RIMS2: variants seen among roughly 807,000 people sequenced by gnomAD.
The protein encoded by RIMS2 is regulating synaptic membrane exocytosis 2.
RIMS2 carries 59 observed loss-of-function variants against 174.4 expected under a neutral mutation model. The ratio of observed to expected loss-of-function variants is 0.34; its 90% CI spans 0.27 to 0.42. RIMS2 has a LOEUF of 0.42. Ranked by LOEUF, RIMS2 falls within the 10% of genes least tolerant of loss-of-function variation. The probability of loss-of-function intolerance (pLI) is 1.00; values close to 1 mark genes in which losing one functional copy is unlikely to be tolerated. For missense variants in RIMS2, 1,620 were observed against 1,666.3 expected (o/e 0.97, Z 0.48); for synonymous variants, 606 against 572.5 (o/e 1.06, Z -0.84).
intron 1 of RIMS2, among the ~76,000 whole-genome samples, chr8:103,607,367 A>G (rs2095155396): frequency 6.6e-6 from 1 of 151,786 alleles, no homozygotes; most frequent in Non-Finnish European, 1.5e-5. Flanking sequence ...CTGCTGAGAG[A>G]TCCGCTGTTA....
intron 16 of RIMS2, among the ~76,000 whole-genome samples, chr8:103,981,633 C>A (rs1455921433): frequency 2.0e-5 from 3 of 151,994 alleles, no homozygotes; most frequent in African/African-American, 7.3e-5. Flanking sequence ...CAATGAAATT[C>A]TATATAACAC....
intron 1 of RIMS2, among the ~76,000 whole-genome samples, chr8:103,663,437 G>A (rs964294970): frequency 6.6e-6 from 1 of 152,110 alleles, no homozygotes; most frequent in African/African-American, 2.4e-5. Flanking sequence ...ATTTAGCAAA[G>A]TCTCAGGATA....
chr8:104,240,416 T>A (rs932420792), intron 19 of RIMS2, among the ~76,000 whole-genome samples: 1 of 152,200 alleles, frequency 6.6e-6, no homozygotes. Context: ...GTTAAATTAG[T>A]TTTATTGTAA....
At chr8:103,576,349 A>T (rs2093235785) in intron 1 of RIMS2, among the ~76,000 whole-genome samples, 1 of 152,244 alleles carries the variant, frequency 6.6e-6, no homozygotes, top group African/African-American at 2.4e-5. Context: ...GTAAGCAAAC[A>T]TATCCAATAA....
rs1455103069 is a variant in RIMS2 at position 103,963,598 on chromosome 8, T to A, written c.2770+2465T>A. On this transcript the variant is annotated intron_variant, in intron 15 of 23. Coordinates refer to ENST00000504942, the Ensembl canonical transcript of RIMS2. ...AAAATTGAGAGGAAGGTATACAGATTTCCCATATGTCTTCCTACCCCAACA... is the reference window on the plus strand; with the variant it reads ...AAAATTGAGAGGAAGGTATACAGATATCCCATATGTCTTCCTACCCCAACA... Among the ~76,000 whole-genome samples the A allele has an allele frequency of 7.2e-5, 11 of 152,184 alleles. No homozygotes were observed. The East Asian group carries it at 1.9e-3, about 27-fold the overall frequency.
intron 3 of RIMS2, among the ~76,000 whole-genome samples, chr8:103,815,888 G>A (rs534551482): frequency 6.9e-4 from 105 of 152,236 alleles, no homozygotes; most frequent in African/African-American, 2.5e-3. Context: ...ATTTCCCTAT[G>A]AGGTGATATA....
At chr8:104,001,628 G>C (rs1026897240) in intron 17 of RIMS2, among the ~76,000 whole-genome samples, 4 of 151,628 alleles carry the variant, frequency 2.6e-5, no homozygotes, top group Non-Finnish European at 4.4e-5. Flanking sequence ...TCTTTTTTAA[G>C]GGACTTTGAT....
intron 14 of RIMS2, among the ~76,000 whole-genome samples, chr8:103,951,321 A>C (rs2154543301): frequency 6.6e-6 from 1 of 152,354 alleles, no homozygotes; most frequent in Middle Eastern, 3.4e-3. Context: ...ATTGCTGGCA[A>C]GATGACCGAA....
At chr8:104,031,606 A>T (rs1467223041) in intron 19 of RIMS2, among the ~76,000 whole-genome samples, 1 of 152,168 alleles carries the variant, frequency 6.6e-6, no homozygotes, top group Non-Finnish European at 1.5e-5. Flanking sequence ...TCCCTGAAGT[A>T]TATTTAGATT....
intron 17 of RIMS2, among the ~76,000 whole-genome samples, chr8:104,005,773 G>A (rs2095552722): frequency 6.6e-6 from 1 of 152,098 alleles, no homozygotes; most frequent in African/African-American, 2.4e-5. Context: ...CCAGATTAAT[G>A]ATGAGGGCTG....
chr8:103,948,007 T>C (rs2084254691), intron 14 of RIMS2, among the ~76,000 whole-genome samples: 1 of 152,154 alleles, frequency 6.6e-6, no homozygotes, highest in African/African-American at 2.4e-5. Flanking sequence ...AATAAGATAA[T>C]AGTGCTGTCA....
chr8:103,782,153 G>C (rs1159032139), intron 3 of RIMS2, among the ~76,000 whole-genome samples: 1 of 148,050 alleles, frequency 6.8e-6, no homozygotes, highest in African/African-American at 2.5e-5. Context: ...ATTTTTGTTT[G>C]AGTGTGTATT....
At chr8:103,574,360 G>A (rs1298713734) in intron 1 of RIMS2, among the ~76,000 whole-genome samples, 1 of 152,184 alleles carries the variant, frequency 6.6e-6, no homozygotes, top group Non-Finnish European at 1.5e-5. Context: ...TCCAACACCA[G>A]TCTTTGTGTA....
At chr8:104,182,606 T>C (rs953192495) in intron 19 of RIMS2, among the ~76,000 whole-genome samples, 2 of 151,788 alleles carry the variant, frequency 1.3e-5, no homozygotes, top group African/African-American at 2.4e-5. Flanking sequence ...GCTTTCCCTA[T>C]TCTGGGCTTT....
At chr8:104,066,799 A>C (rs2097112992) in intron 19 of RIMS2, among the ~76,000 whole-genome samples, 1 of 152,118 alleles carries the variant, frequency 6.6e-6, no homozygotes, top group Non-Finnish European at 1.5e-5. Flanking sequence ...AAATTGTCTC[A>C]CTTTATTGAA....
intron 1 of RIMS2, among the ~76,000 whole-genome samples, chr8:103,552,369 A>G (rs1446978790): frequency 6.6e-6 from 1 of 152,198 alleles, no homozygotes; most frequent in Admixed American, 6.5e-5. Context: ...TGTTTAATAA[A>G]TGGTGCTGGG....
intron 2 of RIMS2, among the ~76,000 whole-genome samples, chr8:103,732,821 T>G (rs2097623171): frequency 6.6e-6 from 1 of 152,080 alleles, no homozygotes; most frequent in Non-Finnish European, 1.5e-5. Flanking sequence ...AAATCCTGAG[T>G]CTCTTCCTTC....
At chr8:104,230,610 C>T (rs371512374) in intron 19 of RIMS2, among the ~76,000 whole-genome samples, 18 of 152,250 alleles carry the variant, frequency 1.2e-4, no homozygotes, top group African/African-American at 3.9e-4. Context: ...CGAGCCACTG[C>T]ACTCCAGCCT....
intron 4 of RIMS2, among the ~76,000 whole-genome samples, chr8:103,907,191 C>T (rs1322826531): frequency 3.3e-5 from 5 of 152,182 alleles, no homozygotes; most frequent in Non-Finnish European, 5.9e-5. Context: ...GGGTGGCACC[C>T]AAGAATTTAC....
Sources: allele counts gnomAD v4.1 joint callset (sites outside exome capture counted in the v4.1 genomes callset), GRCh38; gene constraint gnomAD v4.1.1; transcripts MANE v1.5; gene names NCBI Gene and HGNC (gene_info 2026-07-23, HGNC 2026-07-21).